The following TPH2 variants were observed in gnomAD, a reference collection of about 807,000 sequenced individuals.
TPH2 encodes tryptophan hydroxylase 2, also known as tryptophan 5-hydroxylase 2.
A neutral mutation model predicts 59.1 loss-of-function variants in TPH2; 27 were observed. That is an observed-to-expected ratio of 0.46 (90% CI 0.34 to 0.63). TPH2 has a LOEUF of 0.63. TPH2 is among the 30% of genes least tolerant of loss of function. The probability of loss-of-function intolerance (pLI) is 0.01; values close to 1 mark genes in which losing one functional copy is unlikely to be tolerated. For synonymous variants in TPH2, 220 were observed against 210.5 expected (o/e 1.05, Z -0.39); for missense variants, 523 against 588.3 (o/e 0.89, Z 1.15).
At chr12:72,008,826 A>T (rs944668818) in intron 8 of TPH2, among the ~76,000 whole-genome samples, 8 of 152,076 alleles carry the variant, frequency 5.3e-5, no homozygotes, top group African/African-American at 1.9e-4. Flanking sequence ...GCCCTTGTTC[A>T]TTGTCCTGGA....
At chr12:71,975,375 T>C (rs1872087583) in intron 6 of TPH2, among the ~76,000 whole-genome samples, 1 of 152,008 alleles carries the variant, frequency 6.6e-6, no homozygotes. Context: ...CAAACAAAAC[T>C]ATTCTCACTG....
At chr12:71,981,111 G>T (rs6582078) in intron 7 of TPH2, among the ~76,000 whole-genome samples, 88,282 of 151,874 alleles carry the variant, frequency 0.58, 25,904 homozygotes, top group African/African-American at 0.61. Flanking sequence ...AGTCTGGAAG[G>T]ATGAGCAGAA....
intron 8 of TPH2, among the ~76,000 whole-genome samples, chr12:71,994,992 A>G (rs968101646): frequency 1.3e-5 from 2 of 152,202 alleles, no homozygotes; most frequent in Non-Finnish European, 2.9e-5. Flanking sequence ...TGACTCTCAC[A>G]GAAATATTAG....
chr12:71,992,097 G>T (rs1872589254), intron 7 of TPH2, among the ~76,000 whole-genome samples: 1 of 152,198 alleles, frequency 6.6e-6, no homozygotes. Context: ...GAGAAGCACT[G>T]GGTTGGAGGA....
intron 1 of TPH2, among the ~76,000 whole-genome samples, chr12:71,940,015 A>G (rs1398161394): frequency 6.6e-6 from 1 of 152,216 alleles, no homozygotes; most frequent in Admixed American, 6.5e-5. Context: ...AAAAGTAAAC[A>G]TGGCAACTTC....
At chr12:71,978,113 G>A (rs1254509659) in intron 6 of TPH2, among the ~76,000 whole-genome samples, 1 of 151,884 alleles carries the variant, frequency 6.6e-6, no homozygotes, top group African/African-American at 2.4e-5. Flanking sequence ...TACACTCTAT[G>A]AGATTTACAC....
chr12:72,030,011 A>T (rs1197834476), intron 9 of TPH2, among the ~76,000 whole-genome samples: 1 of 152,130 alleles, frequency 6.6e-6, no homozygotes, highest in Non-Finnish European at 1.5e-5. Flanking sequence ...AGGCTGGGAT[A>T]GAGATTGTCT....
chr12:71,944,733 C>T, intron 4 of TPH2, 47 bp downstream of exon 4: 1 of 1,532,912 alleles, frequency 6.5e-7, no homozygotes, highest in South Asian at 1.1e-5. Context: ...TTCAGCTCCA[C>T]CCATGTGCCA....
At chr12:71,999,805 C>A (rs536782920) in intron 8 of TPH2, among the ~76,000 whole-genome samples, 1 of 152,336 alleles carries the variant, frequency 6.6e-6, no homozygotes, top group Non-Finnish European at 1.5e-5. Context: ...CTACAAGGCT[C>A]TCAATTCTCT....
intron 5 of TPH2, among the ~76,000 whole-genome samples, chr12:71,956,572 C>T (rs1320266982): frequency 2.1e-5 from 3 of 140,346 alleles, no homozygotes; most frequent in South Asian, 2.5e-4. Context: ...TCCTTCTTTC[C>T]CTCCTTCCTT....
At chr12:72,026,520 C>G (rs767986244) in intron 9 of TPH2, among the ~76,000 whole-genome samples, 1 of 152,174 alleles carries the variant, frequency 6.6e-6, no homozygotes, top group Non-Finnish European at 1.5e-5. Context: ...AAGGGCCTTG[C>G]AGGTTCTCTG....
rs1873614686 is a variant in TPH2 at position 72,027,970 on chromosome 12, CATT to C, written c.1165-3287_1165-3285del. Among the ~76,000 whole-genome samples the C allele has an allele frequency of 3.9e-5, 6 of 152,188 alleles. No homozygotes were observed. In the South Asian group the frequency reaches 1.2e-3, roughly 32 times the overall value. ...CAGCCCAACATGGGGTAGTTTCACTCATTTGATATTATACGTCTAGCCTCTGGG... is the reference window on the plus strand; with the variant it reads ...CAGCCCAACATGGGGTAGTTTCACTCTGATATTATACGTCTAGCCTCTGGG... On this transcript the variant is annotated intron_variant, in intron 9 of 10. Transcript: ENST00000333850.
At chr12:71,975,121 C>A (rs183071877) in intron 6 of TPH2, among the ~76,000 whole-genome samples, 2 of 152,066 alleles carry the variant, frequency 1.3e-5, no homozygotes, top group Non-Finnish European at 1.5e-5. Context: ...CCAAGGCAGG[C>A]GGATCACTTG....
chr12:72,000,751 C>G (rs1416811017), intron 8 of TPH2, among the ~76,000 whole-genome samples: 1 of 152,176 alleles, frequency 6.6e-6, no homozygotes, highest in African/African-American at 2.4e-5. Flanking sequence ...TATTCAAGCC[C>G]TGAAAACAGA....
chr12:71,946,056 C>T (rs1346818358), intron 4 of TPH2, among the ~76,000 whole-genome samples: 1 of 152,094 alleles, frequency 6.6e-6, no homozygotes, highest in Admixed American at 6.6e-5. Flanking sequence ...CTAAGCAGTA[C>T]CCGGGCTGCA....
At chr12:71,989,680 GC>G (rs1340230006) in intron 7 of TPH2, among the ~76,000 whole-genome samples, 4 of 152,202 alleles carry the variant, frequency 2.6e-5, no homozygotes, top group Non-Finnish European at 4.4e-5. Context: ...GTTGTTCAAC[GC>G]GTAGTGTGAA....
In TPH2 at chr12:71,949,688, G is replaced by T. The variant is rs781671129; in HGVS notation, c.608+33G>T. Reference sequence around the variant, plus strand: ...CCTGTATAACTCTTTCTTGTCACTGGCTAGTTAGGAAAAACACATGCTGTG... The same window carrying T: ...CCTGTATAACTCTTTCTTGTCACTGTCTAGTTAGGAAAAACACATGCTGTG... On this transcript the variant is annotated intron_variant, in intron 5 of 10. Transcript: ENST00000333850. The T allele has an allele frequency of 6.4e-6, 10 of 1,572,070 alleles. No individual in the cohort carries two copies. The African/African-American group carries it at 1.4e-4, about 21-fold the overall frequency.
rs555028901 is a variant in TPH2, at chr12:71,940,197, C to T, written c.105+1106C>T. 4.7e-4 allele frequency among the ~76,000 whole-genome samples: 71 copies of T among 151,982 alleles called. 1 individual carries two copies. In the South Asian group the frequency reaches 5.2e-3, roughly 11 times the overall value. The stretch of plus-strand genomic sequence containing the variant: ...CTCAGGGTAATGGTTAATGTATGAC[C>T]CTTTTATATAAAAAATGCTACTTCT... On this transcript the variant is annotated intron_variant, in intron 1 of 10. Coordinates refer to ENST00000333850, the MANE Select transcript of TPH2 (RefSeq NM_173353.4).
chr12:72,032,309 T>C lies in TPH2; in HGVS notation c.*614T>C, dbSNP rs1433044474. The C allele has an allele frequency of 6.5e-6, 1 of 154,486 alleles. No individual in the cohort carries two copies. The highest frequency in any genetic ancestry group is 2.4e-5 in the African/African-American group (1 of 41,452). The allele number at this position is 154,486 out of a possible 1,614,324, so 9.6% of individuals were successfully genotyped here. A position where few individuals can be genotyped will look rare whatever the true frequency, so the allele number is the denominator to read the frequency against. ...TAGGTTGCGTTGACCTTGTAGAACC[T>C]GAGTTATGACAAGCTTCCTGAAGTA... On this transcript the variant is annotated 3_prime_UTR_variant, in exon 11 of 11. Coordinates refer to ENST00000333850, the MANE Select transcript of TPH2 (RefSeq NM_173353.4).
Sources: allele counts gnomAD v4.1 joint callset (sites outside exome capture counted in the v4.1 genomes callset), GRCh38; gene constraint gnomAD v4.1.1; transcripts MANE v1.5; gene names NCBI Gene and HGNC (gene_info 2026-07-23, HGNC 2026-07-21).